Variants in SH3GL1 observed in about 807,000 individuals in gnomAD.
The protein encoded by SH3GL1 is endophilin-A2.
SH3GL1 carries 21 observed loss-of-function variants against 48.8 expected under a neutral mutation model. The observed-to-expected ratio is 0.43, with a 90% CI of 0.30 to 0.62. The LOEUF (loss-of-function observed/expected upper bound fraction) is 0.62, where lower values mean the gene tolerates loss of function less well. SH3GL1 is among the 20% of genes least tolerant of loss of function. The pLI, the probability that SH3GL1 is intolerant of heterozygous loss-of-function variation, is 0.11. For synonymous variants in SH3GL1, 282 were observed against 217.5 expected, an observed-to-expected ratio of 1.30 and a Z score of -2.61; for missense variants, 454 against 503.0, an observed-to-expected ratio of 0.90 and a Z score of 0.93.
chr19:4,367,061 T>A lies in SH3GL1; in HGVS notation c.46-67A>T. On this transcript the variant is annotated intron_variant, in intron 1 of 9. Transcript: ENST00000269886. The surrounding 1 kb of genome is among the most constrained non-coding windows in gnomAD (Gnocchi z 4.2). ...GGAGGAAGAAGAGGACAGGAGGCCCTGAGCCGCCTTCCAGCCACATCGCAT... is the reference window on the plus strand; with the variant it reads ...GGAGGAAGAAGAGGACAGGAGGCCCAGAGCCGCCTTCCAGCCACATCGCAT... 6.9e-7 allele frequency: 1 copy of A among 1,442,204 alleles called. No homozygotes were observed. Among genetic ancestry groups the A allele is most frequent in the Non-Finnish European group, 9.8e-7 (1 of 1,023,932 alleles). The allele number at this position is 1,442,204 out of a possible 1,614,324, so 89.3% of individuals were successfully genotyped here.
At chr19:4,399,068 C>T (rs1284699163) in intron 1 of SH3GL1, among the ~76,000 whole-genome samples, 1 of 152,050 alleles carries the variant, frequency 6.6e-6, no homozygotes, top group Admixed American at 6.6e-5. Flanking sequence ...GTCGATAATC[C>T]CAGCATGTTG....
intron 1 of SH3GL1, among the ~76,000 whole-genome samples, chr19:4,392,441 T>C (rs932314204): frequency 6.6e-6 from 1 of 151,264 alleles, no homozygotes; most frequent in Non-Finnish European, 1.5e-5. Flanking sequence ...GGAGAATTAC[T>C]TGGACCCAGG....
chr19:4,381,528 CT>C (rs1157878708), intron 1 of SH3GL1, among the ~76,000 whole-genome samples: 6 of 97,568 alleles, frequency 6.1e-5, no homozygotes, highest in Admixed American at 1.8e-4. Context: ...CTCTGTCCCC[CT>C]GCTTCTCTGT....
At position 4,389,721 on chromosome 19, in the gene SH3GL1, G is replaced by A. The variant is rs1008349156; in HGVS notation, c.45+10603C>T. Among the ~76,000 whole-genome samples, 7 of 152,164 alleles carry A rather than the reference G, an allele frequency of 4.6e-5. No individual in the cohort carries two copies. Among genetic ancestry groups the A allele is most frequent in the East Asian group, 1.9e-4 (1 of 5,192 alleles). ...TCCGTCCTTCCATGTGATATTTACCGGCTCCCTGGGGCAGGCCAGCCAGTA... is the reference window on the plus strand; with the variant it reads ...TCCGTCCTTCCATGTGATATTTACCAGCTCCCTGGGGCAGGCCAGCCAGTA... On this transcript the variant is annotated intron_variant, in intron 1 of 9. Coordinates refer to ENST00000269886, the MANE Select transcript of SH3GL1 (RefSeq NM_003025.4). The surrounding 1 kb of genome is among the most constrained non-coding windows in gnomAD (Gnocchi z 4.5).
intron 1 of SH3GL1, among the ~76,000 whole-genome samples, chr19:4,391,925 C>T (rs1017693908): frequency 2.6e-5 from 4 of 152,230 alleles, no homozygotes; most frequent in Admixed American, 2.0e-4. Flanking sequence ...ACATGCCGCA[C>T]GTTCCTGGAT....
chr19:4,376,839 C>T lies in SH3GL1; in HGVS notation c.46-9845G>A, dbSNP rs933920497. 5.3e-5 allele frequency among the ~76,000 whole-genome samples: 8 copies of T among 152,126 alleles called. No individual in the cohort carries two copies. The highest frequency in any genetic ancestry group is 1.7e-4 in the African/African-American group (7 of 41,408). On this transcript the variant is annotated intron_variant, in intron 1 of 9. Transcript: ENST00000269886. This position sits in a 1 kb window ranked among gnomAD's most constrained non-coding sequence, Gnocchi z 4.3. ...CTTGTTTTCGGGTCCCCTGCTGTCC[C>T]GTCTCAGACACAGGAAGCACTCTCC...
At position 4,389,801 on chromosome 19, in the gene SH3GL1, G is replaced by C. The variant is rs1198944519; in HGVS notation, c.45+10523C>G. On this transcript the variant is annotated intron_variant, in intron 1 of 9. Coordinates refer to ENST00000269886, the MANE Select transcript of SH3GL1 (RefSeq NM_003025.4). This position sits in a 1 kb window ranked among gnomAD's most constrained non-coding sequence, Gnocchi z 4.5. ...ACAAATGCCTGGCTCCGGCGGCAAT[G>C]GGCTCATATTCCAGTGGCAACGGCA... 1.3e-5 allele frequency among the ~76,000 whole-genome samples: 2 copies of C among 152,202 alleles called. No homozygotes were observed. Among genetic ancestry groups the C allele is most frequent in the East Asian group, 3.8e-4 (2 of 5,196 alleles).
chr19:4,362,282 G>A, intron 9 of SH3GL1, 47 bp downstream of exon 9: 1 of 1,579,398 alleles, frequency 6.3e-7, no homozygotes, highest in South Asian at 1.1e-5. Flanking sequence ...CTCCCCGAAT[G>A]GCCGAGAAGG....
chr19:4,379,885 C>T (rs1568416122), intron 1 of SH3GL1, among the ~76,000 whole-genome samples: 1 of 152,180 alleles, frequency 6.6e-6, no homozygotes, highest in African/African-American at 2.4e-5. Context: ...CTGTTGTCAT[C>T]GCCCCAAAGG....
chr19:4,374,071 G>A (rs1015590440), intron 1 of SH3GL1, among the ~76,000 whole-genome samples: 1 of 152,232 alleles, frequency 6.6e-6, no homozygotes, highest in Non-Finnish European at 1.5e-5. Context: ...GCGCGGCAGC[G>A]AGCCGATGTC....
In SH3GL1 at chr19:4,367,868, C is replaced by T. The variant is rs1242605411; in HGVS notation, c.46-874G>A. On this transcript the variant is annotated intron_variant, in intron 1 of 9. Transcript: ENST00000269886. The surrounding 1 kb of genome is among the most constrained non-coding windows in gnomAD (Gnocchi z 4.2). ...CCCCACGTATCCCATGTGTGCCTGG[C>T]GCCAAGGGATGCCGCACAGAGTGAG... 6.6e-6 allele frequency among the ~76,000 whole-genome samples: 1 copy of T among 152,216 alleles called. No individual in the cohort carries two copies. The highest frequency in any genetic ancestry group is 2.1e-4 in the South Asian group (1 of 4,832).
intron 7 of SH3GL1, 31 bp from the exon 8 acceptor site, chr19:4,362,767 C>G: frequency 6.2e-7 from 1 of 1,613,008 alleles, no homozygotes; most frequent in Non-Finnish European, 8.5e-7. Context: ...GTGGACCGAG[C>G]CCGTGTCACG....
rs1283731489 is a variant in SH3GL1, at chr19:4,367,876, G to A, written c.46-882C>T. On this transcript the variant is annotated intron_variant, in intron 1 of 9. Transcript: ENST00000269886. The surrounding 1 kb of genome is among the most constrained non-coding windows in gnomAD (Gnocchi z 4.2). ...ATCCCATGTGTGCCTGGCGCCAAGG[G>A]ATGCCGCACAGAGTGAGGATGGACA... Among the ~76,000 whole-genome samples the A allele has an allele frequency of 6.6e-6, 1 of 152,198 alleles. No homozygotes were observed. The highest frequency in any genetic ancestry group is 1.5e-5 in the Non-Finnish European group (1 of 68,036).
chr19:4,366,812 G>A (rs1244933340), intron 2 of SH3GL1, 114 bp downstream of exon 2: 21 of 1,101,130 alleles, frequency 1.9e-5, no homozygotes, highest in African/African-American at 4.6e-5. Flanking sequence ...CACACCTGCC[G>A]GGCCCCATCA....
At chr19:4,365,839 C>T (rs1972765121) in intron 3 of SH3GL1, among the ~76,000 whole-genome samples, 1 of 152,208 alleles carries the variant, frequency 6.6e-6, no homozygotes, top group Non-Finnish European at 1.5e-5. Context: ...CCAAGCTCCT[C>T]AGGGGGCAAA....
chr19:4,383,598 C>G (rs1356480280), intron 1 of SH3GL1, among the ~76,000 whole-genome samples: 1 of 152,138 alleles, frequency 6.6e-6, no homozygotes, highest in Admixed American at 6.6e-5. Context: ...GGACACGGAG[C>G]TATCACTCCT....
At chr19:4,370,590 G>A (rs1303452578) in intron 1 of SH3GL1, among the ~76,000 whole-genome samples, 1 of 152,164 alleles carries the variant, frequency 6.6e-6, no homozygotes, top group Non-Finnish European at 1.5e-5. Context: ...GTGACCAACC[G>A]CAGGCCCCAC....
intron 1 of SH3GL1, among the ~76,000 whole-genome samples, chr19:4,391,030 G>A (rs962221950): frequency 6.6e-6 from 1 of 152,198 alleles, no homozygotes; most frequent in Non-Finnish European, 1.5e-5. Flanking sequence ...CTGTACCCTA[G>A]GCCCCTGGAT....
rs1972591408 is a variant in SH3GL1 at position 4,360,997 on chromosome 19, T to TG, written c.*602dup. 1 of 233,756 alleles carries TG rather than the reference T, an allele frequency of 4.3e-6. No individual in the cohort carries two copies. The highest frequency in any genetic ancestry group is 8.4e-6 in the Non-Finnish European group (1 of 118,514). The allele number at this position is 233,756 out of a possible 1,614,324, so 14.5% of individuals were successfully genotyped here. ...TGGCCTCTGTCCCCGGGCTGCAAGC[T>TG]GACAGCAGGCCCGGGAGGCGGTGAG... is the stretch of plus-strand genomic sequence containing the variant. On this transcript the variant is annotated 3_prime_UTR_variant, in exon 10 of 10. Transcript: ENST00000269886.
Sources: gnomAD v4.1 joint callset for allele counts (sites outside exome capture counted in the v4.1 genomes callset) on GRCh38, gnomAD v4.1.1 for gene constraint, Gnocchi (gnomAD v3.1) non-coding constraint, MANE v1.5 for transcripts, NCBI Gene and HGNC (gene_info 2026-07-23, HGNC 2026-07-21) for gene names.